DMRT1: variants seen among roughly 807,000 people sequenced by gnomAD.
The protein encoded by DMRT1 is doublesex and mab-3 related transcription factor 1, also known as doublesex- and mab-3-related transcription factor 1.
A neutral mutation model predicts 32.3 loss-of-function variants in DMRT1; 7 were observed. The observed-to-expected ratio is 0.22, with a 90% CI of 0.12 to 0.41. The LOEUF (loss-of-function observed/expected upper bound fraction) is 0.41. Among genes scored for constraint, DMRT1 ranks in the 10% least tolerant of loss-of-function variants. The pLI is 1.00. For synonymous variants in DMRT1, 278 were observed against 206.1 expected (o/e 1.35, Z -2.99); for missense variants, 625 against 500.5 (o/e 1.25, Z -2.37).
chr9:885,452 T>G (rs547395422), intron 2 of DMRT1, among the ~76,000 whole-genome samples: 1 of 152,294 alleles, frequency 6.6e-6, no homozygotes, highest in Admixed American at 6.5e-5. Context: ...AGTCAGGCTG[T>G]CGAGCGGCCC....
At chr9:892,778 C>A (rs1218413514) in intron 2 of DMRT1, among the ~76,000 whole-genome samples, 1 of 152,176 alleles carries the variant, frequency 6.6e-6, no homozygotes, top group Non-Finnish European at 1.5e-5. Context: ...GCCCGCCTCA[C>A]CTTACCCTAG....
At position 847,017 on chromosome 9, in the gene DMRT1, C is replaced by G; in HGVS notation, c.412C>G (p.Pro138Ala). 6.2e-7 allele frequency: 1 copy of G among 1,614,170 alleles called. No individual in the cohort carries two copies. The highest frequency in any genetic ancestry group is 8.5e-7 in the Non-Finnish European group (1 of 1,180,048). The change falls in exon 2 of 5, where the codon CCA becomes GCA. Residue 138 changes from proline to alanine, a missense_variant. Pro to Ala is a conservative substitution (Grantham distance 27). Around this residue, in one of 3 missense-constraint regions of DMRT1, gnomAD observed 416 missense variants for 321.6 expected, o/e 1.29. Coordinates refer to ENST00000382276, the MANE Select transcript of DMRT1 (RefSeq NM_021951.3). ...EEELGISHPI[P>A]LPSAAELLVK... The stretch of plus-strand genomic sequence containing the variant: ...GGAATTGGGTATCAGCCACCCCATC[C>G]CACTGCCCAGTGCGGCCGAGCTGCT...
chr9:929,161 G>A (rs892126035), intron 4 of DMRT1, among the ~76,000 whole-genome samples: 3 of 152,116 alleles, frequency 2.0e-5, no homozygotes, highest in African/African-American at 7.2e-5. Context: ...CCCTGTATTT[G>A]TATTTGCTAA....
At chr9:866,514 C>T (rs935066745) in intron 2 of DMRT1, among the ~76,000 whole-genome samples, 1 of 80,368 alleles carries the variant, frequency 1.2e-5, no homozygotes, top group African/African-American at 3.8e-5. Flanking sequence ...CAGAAGTTTT[C>T]CTTCTTGAAA....
intron 4 of DMRT1, among the ~76,000 whole-genome samples, chr9:959,940 A>C (rs1034699952): frequency 1.3e-5 from 2 of 152,218 alleles, no homozygotes; most frequent in African/African-American, 4.8e-5. Flanking sequence ...TTTCTCACTC[A>C]TGCATCCATT....
intron 4 of DMRT1, among the ~76,000 whole-genome samples, chr9:960,332 G>A (rs1819730736): frequency 6.6e-6 from 1 of 152,242 alleles, no homozygotes; most frequent in Non-Finnish European, 1.5e-5. Context: ...CAGAGGTGTT[G>A]GGTGTGTTGT....
intron 3 of DMRT1, among the ~76,000 whole-genome samples, chr9:914,323 C>G (rs1586610386): frequency 6.6e-6 from 1 of 151,562 alleles, no homozygotes; most frequent in African/African-American, 2.4e-5. Flanking sequence ...GCCTGTAATC[C>G]CAGCACTTTG....
chr9:877,427 T>A (rs1816549871), intron 2 of DMRT1, among the ~76,000 whole-genome samples: 1 of 152,210 alleles, frequency 6.6e-6, no homozygotes, highest in Admixed American at 6.5e-5. Flanking sequence ...TGGGCACATG[T>A]ATGGCCAGCA....
chr9:842,130 C>T lies in DMRT1; in HGVS notation c.292C>T (p.Arg98Cys), dbSNP rs1427094142. The change falls in exon 1 of 5, where the codon CGC (arginine) becomes TGC (cysteine). Residue 98 changes from arginine (R) to cysteine (C), a missense_variant. This residue lies in a region of DMRT1 where 201 missense variants were observed against 152.0 expected (regional missense o/e 1.32). Transcript: ENST00000382276. ...LKGHKRFCMW[R>C]DCQCKKCNLI... ...GGGCCACAAGCGCTTCTGCATGTGG[C>T]GCGACTGCCAGTGCAAGAAGTGCAA... 6.5e-7 allele frequency: 1 copy of T among 1,547,742 alleles called. No homozygotes were observed.
chr9:927,664 C>T (rs930474674), intron 4 of DMRT1, among the ~76,000 whole-genome samples: 8 of 152,132 alleles, frequency 5.3e-5, no homozygotes, highest in African/African-American at 1.9e-4. Flanking sequence ...ACGGGGTATA[C>T]AATAGATGCT....
chr9:919,765 A>C, intron 4 of DMRT1, among the ~76,000 whole-genome samples: 1 of 152,142 alleles, frequency 6.6e-6, no homozygotes, highest in East Asian at 1.9e-4. Flanking sequence ...GATGGCAGTA[A>C]TTCTGGCAAA....
intron 2 of DMRT1, among the ~76,000 whole-genome samples, chr9:873,521 G>T (rs1431022370): frequency 6.6e-6 from 1 of 151,250 alleles, no homozygotes; most frequent in Non-Finnish European, 1.5e-5. Flanking sequence ...GTTTCATCTT[G>T]TTGGCCAGGC....
chr9:859,032 T>A (rs1815535665), intron 2 of DMRT1, among the ~76,000 whole-genome samples: 1 of 152,092 alleles, frequency 6.6e-6, no homozygotes, highest in Non-Finnish European at 1.5e-5. Flanking sequence ...ATTTCCCATT[T>A]ACCCCTCTCA....
chr9:862,508 C>T (rs1280308620), intron 2 of DMRT1, among the ~76,000 whole-genome samples: 3 of 93,700 alleles, frequency 3.2e-5, no homozygotes, highest in Non-Finnish European at 5.9e-5. Flanking sequence ...GAGGACCGTG[C>T]AATGGGGAGG....
intron 3 of DMRT1, 61 bp from the exon 4 acceptor site, chr9:916,702 A>G (rs1469550692): frequency 1.3e-6 from 2 of 1,583,578 alleles, no homozygotes; most frequent in African/African-American, 1.3e-5. Flanking sequence ...CTAGATAATT[A>G]TTGTACTAGT....
intron 4 of DMRT1, among the ~76,000 whole-genome samples, chr9:941,554 A>G (rs1819072579): frequency 6.6e-6 from 1 of 152,114 alleles, no homozygotes; most frequent in Non-Finnish European, 1.5e-5. Context: ...ATGGAGAGTT[A>G]TCGTTTTTTT....
chr9:906,098 G>A (rs1224471472), intron 3 of DMRT1, among the ~76,000 whole-genome samples: 2 of 151,974 alleles, frequency 1.3e-5, no homozygotes, highest in Non-Finnish European at 1.5e-5. Context: ...CAGTGGTAAC[G>A]TGATGCTTTT....
intron 2 of DMRT1, among the ~76,000 whole-genome samples, chr9:863,209 T>C (rs1815802447): frequency 6.7e-6 from 1 of 150,294 alleles, no homozygotes; most frequent in African/African-American, 2.4e-5. Flanking sequence ...TCCCAGCTGC[T>C]TGCGAGGCTG....
intron 2 of DMRT1, among the ~76,000 whole-genome samples, chr9:879,164 T>A (rs992898680): frequency 2.6e-4 from 40 of 152,132 alleles, no homozygotes; most frequent in African/African-American, 9.2e-4. Context: ...ACAGGGGCTG[T>A]TAAGATGGAA....
Sources: gnomAD v4.1 joint callset for allele counts (sites outside exome capture counted in the v4.1 genomes callset) on GRCh38, gnomAD v4.1.1 for gene constraint, gnomAD v4.1.1 regional missense constraint, MANE v1.5 for transcripts, NCBI Gene and HGNC (gene_info 2026-07-23, HGNC 2026-07-21) for gene names.